The following CASKIN1 variants were observed in gnomAD, a reference collection of about 807,000 sequenced individuals.
The protein encoded by CASKIN1 is CASK interacting protein 1, also known as caskin-1.
Under a neutral mutation model 117.5 loss-of-function variants are expected in CASKIN1, and 42 were observed. The observed-to-expected ratio is 0.36, with a 90% CI of 0.28 to 0.46. CASKIN1 has a LOEUF of 0.46. CASKIN1 is among the 20% of genes least tolerant of loss of function. The pLI, the probability that CASKIN1 is intolerant of heterozygous loss-of-function variation, is 1.00. For synonymous variants in CASKIN1, 1,148 were observed against 961.7 expected, an observed-to-expected ratio of 1.19 and a Z score of -3.59; for missense variants, 2,083 against 2,077.3, an observed-to-expected ratio of 1.00 and a Z score of -0.05.
Position 2,179,350 on chromosome 16 carries a change from C to T in CASKIN1, c.3776-25G>A, listed in dbSNP as rs950606991. On this transcript the variant is annotated intron_variant, in intron 18 of 19. Transcript: ENST00000343516. The surrounding 1 kb of genome is among the most constrained non-coding windows in gnomAD (Gnocchi z 5.8). ...TCTGCGGGGAGGACCACGCTGGCAC[C>T]GAGCGGGCACGAGTTCCGCCGCCGC... 2.1e-5 allele frequency: 28 copies of T among 1,318,756 alleles called. No individual in the cohort carries two copies. The highest frequency in any genetic ancestry group is 2.5e-5 in the Non-Finnish European group (26 of 1,040,100). The allele number at this position is 1,318,756 out of a possible 1,614,324, so 81.7% of individuals were successfully genotyped here.
chr16:2,178,398 T>A lies in CASKIN1; in HGVS notation c.*152A>T, dbSNP rs1357679258. ...GAGCCCCCGGCCAGGCGGTCCCCGG[T>A]GGGCGCCCCGGCCCGGGTCCAGGGG... On this transcript the variant is annotated 3_prime_UTR_variant, in exon 20 of 20. Coordinates refer to ENST00000343516, the MANE Select transcript of CASKIN1 (RefSeq NM_020764.4). 9 of 506,224 alleles carry A rather than the reference T, an allele frequency of 1.8e-5. No homozygotes were observed. Among genetic ancestry groups the A allele is most frequent in the Non-Finnish European group, 3.0e-5 (9 of 300,492 alleles). 31.4% of individuals were successfully genotyped at this position (506,224 alleles called of 1,614,324 possible). A position where few individuals can be genotyped will look rare whatever the true frequency, so the allele number is the denominator to read the frequency against.
At position 2,187,376 on chromosome 16, in the gene CASKIN1, C is replaced by T; in HGVS notation, c.703G>A (p.Glu235Lys). 1 of 1,612,782 alleles carries T rather than the reference C, an allele frequency of 6.2e-7. No individual in the cohort carries two copies. Residue 235 changes from glutamate (E) to lysine (K), a missense_variant, in exon 7 of 20, where the codon GAG becomes AAG. Around this residue, in one of 3 missense-constraint regions of CASKIN1, gnomAD observed 203 missense variants for 338.7 expected, o/e 0.60. Coordinates refer to ENST00000343516, the MANE Select transcript of CASKIN1 (RefSeq NM_020764.4). ...ACATCCAGCAGCAGCCGCACCACCT[C>T]TGTCTTTCCGCAGAGCGCAGCCTCG... ...LHEAALCGKT[E>K]VVRLLLDSGI...
In CASKIN1 at chr16:2,189,409, C is replaced by T. The variant is rs773622978; in HGVS notation, c.390+10G>A. The T allele has an allele frequency of 9.9e-6, 16 of 1,610,312 alleles. No homozygotes were observed. Among genetic ancestry groups the T allele is most frequent in the Middle Eastern group, 1.6e-4 (1 of 6,070 alleles). On this transcript the variant is annotated intron_variant, in intron 4 of 19. Coordinates refer to ENST00000343516, the MANE Select transcript of CASKIN1 (RefSeq NM_020764.4). ...CCGCCCCCGCTGCCCCGCCCCCGCT[C>T]GGGCCTCACCACATCATAGTGACCA...
chr16:2,184,101 T>C (rs1418557668), intron 14 of CASKIN1, among the ~76,000 whole-genome samples, 160 bp from the exon 15 acceptor site: 2 of 147,720 alleles, frequency 1.4e-5, no homozygotes, highest in African/African-American at 5.0e-5. Flanking sequence ...CCGTGAGTGA[T>C]CCTCAGTCCG....
rs1313424916 is a variant in CASKIN1, at chr16:2,178,218, T to C, written c.*332A>G. On this transcript the variant is annotated 3_prime_UTR_variant, in exon 20 of 20. Transcript: ENST00000343516. ...CCGAGCGGCTGGCCGGGCGTCCCGATGGGCAGTTCTGTGCTGGGCCCGGGC... is the reference window on the plus strand; with the variant it reads ...CCGAGCGGCTGGCCGGGCGTCCCGACGGGCAGTTCTGTGCTGGGCCCGGGC... 3 of 439,784 alleles carry C rather than the reference T, an allele frequency of 6.8e-6. No individual in the cohort carries two copies. The highest frequency in any genetic ancestry group is 1.3e-5 in the Non-Finnish European group (3 of 235,342). The allele number at this position is 439,784 out of a possible 1,614,324, so 27.2% of individuals were successfully genotyped here.
intron 19 of CASKIN1, 49 bp from the exon 20 acceptor site, chr16:2,178,695 A>G: frequency 6.7e-7 from 1 of 1,492,618 alleles, no homozygotes; most frequent in Non-Finnish European, 9.0e-7. Context: ...GGGTCTGGCC[A>G]CGCCCACCCC....
rs1011641811 is a variant in CASKIN1 at position 2,178,508 on chromosome 16, G to A, written c.*42C>T. The A allele has an allele frequency of 2.7e-6, 4 of 1,490,222 alleles. No individual in the cohort carries two copies. Among genetic ancestry groups the A allele is most frequent in the Non-Finnish European group, 1.8e-6 (2 of 1,113,008 alleles). 92.3% of individuals were successfully genotyped at this position (1,490,222 alleles called of 1,614,324 possible). On this transcript the variant is annotated 3_prime_UTR_variant, in exon 20 of 20. Coordinates refer to ENST00000343516, the MANE Select transcript of CASKIN1 (RefSeq NM_020764.4). ...ATCCTGAGGTATAGGTCAGTGTGCG[G>A]GGAGGGCCCGGGCGGCGCGGGAGGG...
intron 1 of CASKIN1, among the ~76,000 whole-genome samples, chr16:2,192,840 C>T (rs1387601835): frequency 2.0e-5 from 3 of 152,186 alleles, no homozygotes; most frequent in Admixed American, 2.0e-4. Context: ...CGGAGGAATC[C>T]TCGGTGGCTA....
Position 2,189,017 on chromosome 16 carries a change from C to T in CASKIN1, c.617+10G>A, listed in dbSNP as rs759356226. ...CCTAAGGCTGAGGCCCTCCCTGCTACCGGCTCTACCTGATGATGTCGATGT... is the reference window on the plus strand; with the variant it reads ...CCTAAGGCTGAGGCCCTCCCTGCTATCGGCTCTACCTGATGATGTCGATGT... On this transcript the variant is annotated intron_variant, in intron 6 of 19. Transcript: ENST00000343516. 1 of 1,607,066 alleles carries T rather than the reference C, an allele frequency of 6.2e-7. No homozygotes were observed. Among genetic ancestry groups the T allele is most frequent in the Non-Finnish European group, 8.5e-7 (1 of 1,175,484 alleles).
intron 1 of CASKIN1, among the ~76,000 whole-genome samples, chr16:2,192,488 T>C (rs1235049916): frequency 6.6e-6 from 1 of 151,958 alleles, no homozygotes; most frequent in Non-Finnish European, 1.5e-5. Context: ...TATCATTACT[T>C]CCCTCATTCC....
At chr16:2,188,240 G>A (rs1298724764) in intron 6 of CASKIN1, among the ~76,000 whole-genome samples, 6 of 150,872 alleles carry the variant, frequency 4.0e-5, no homozygotes, top group Non-Finnish European at 8.9e-5. Flanking sequence ...AGGCTGGAAT[G>A]CAGTGGCACC....
intron 16 of CASKIN1, 38 bp from the exon 17 acceptor site, chr16:2,181,967 C>G (rs763554456): frequency 1.9e-6 from 3 of 1,607,808 alleles, no homozygotes; most frequent in East Asian, 4.5e-5. Flanking sequence ...CCTGGGCTGG[C>G]TGCCCGCACC....
At position 2,179,469 on chromosome 16, in the gene CASKIN1, G is replaced by A. The variant is rs1260699910; in HGVS notation, c.3775+124C>T. On this transcript the variant is annotated intron_variant, in intron 18 of 19. Coordinates refer to ENST00000343516, the MANE Select transcript of CASKIN1 (RefSeq NM_020764.4). The surrounding 1 kb of genome is among the most constrained non-coding windows in gnomAD (Gnocchi z 5.8). ...CAGCCCTGGATGGATGAGAGGGTCT[G>A]GGGACACGTTCCCACCCCACCTGGG... 1.4e-6 allele frequency: 2 copies of A among 1,392,578 alleles called. No individual in the cohort carries two copies. Among genetic ancestry groups the A allele is most frequent in the African/African-American group, 1.5e-5 (1 of 66,186 alleles). 86.3% of individuals were successfully genotyped at this position (1,392,578 alleles called of 1,614,324 possible).
chr16:2,195,393 A>ACC (rs1332339162), intron 1 of CASKIN1, among the ~76,000 whole-genome samples: 1 of 151,928 alleles, frequency 6.6e-6, no homozygotes, highest in Non-Finnish European at 1.5e-5. Context: ...GGACGCCCAG[A>ACC]CCCCACGTGC....
chr16:2,188,821 C>A (rs2093192420), intron 6 of CASKIN1: 3 of 664,804 alleles, frequency 4.5e-6, no homozygotes, highest in East Asian at 5.8e-5. Context: ...GGGGCTGGGA[C>A]AGAGACGTCG....
intron 10 of CASKIN1, among the ~76,000 whole-genome samples, chr16:2,186,065 A>C (rs2093183518): frequency 6.6e-6 from 1 of 151,934 alleles, no homozygotes; most frequent in South Asian, 2.1e-4. Flanking sequence ...TCCACTTCCC[A>C]GGCTCAAGCA....
Position 2,179,108 on chromosome 16 carries a change from G to A in CASKIN1, c.3993C>T (p.Pro1331=), listed in dbSNP as rs1293469773. The A allele has an allele frequency of 1.0e-6, 1 of 995,900 alleles. No homozygotes were observed. The highest frequency in any genetic ancestry group is 1.2e-6 in the Non-Finnish European group (1 of 838,884). 61.7% of individuals were successfully genotyped at this position (995,900 alleles called of 1,614,324 possible). The change falls in exon 19 of 20, where the codon CCC becomes CCT. Residue 1331 remains proline, a synonymous_variant. Coordinates refer to ENST00000343516, the MANE Select transcript of CASKIN1 (RefSeq NM_020764.4). The surrounding 1 kb of genome is among the most constrained non-coding windows in gnomAD (Gnocchi z 5.8). The part of the protein sequence containing the change: ...LGASPAKPPS[P]GAPALHVPAK... The stretch of plus-strand genomic sequence containing the variant: ...CGGGCACGTGCAGCGCGGGCGCGCC[G>A]GGGGACGGGGGCTTGGCGGGGCTGG...
At position 2,182,178 on chromosome 16, in the gene CASKIN1, C is replaced by CG. The variant is rs1182394660; in HGVS notation, c.1630-250dup. ...GCCCACATCCACAGGACACCCTTGTCGGGGGGGCAGAAGAAGGCACTTTCC... is the reference window on the plus strand; with the variant it reads ...GCCCACATCCACAGGACACCCTTGTCGGGGGGGGCAGAAGAAGGCACTTTCC... On this transcript the variant is annotated intron_variant, in intron 16 of 19. Coordinates refer to ENST00000343516, the MANE Select transcript of CASKIN1 (RefSeq NM_020764.4). The surrounding 1 kb of genome is among the most constrained non-coding windows in gnomAD (Gnocchi z 4.1). 2.0e-5 allele frequency among the ~76,000 whole-genome samples: 3 copies of CG among 152,048 alleles called. No individual in the cohort carries two copies. The highest frequency in any genetic ancestry group is 2.1e-4 in the South Asian group (1 of 4,810).
chr16:2,186,209 T>C (rs1196016867), intron 10 of CASKIN1, among the ~76,000 whole-genome samples: 1 of 152,174 alleles, frequency 6.6e-6, no homozygotes, highest in African/African-American at 2.4e-5. Context: ...GCTCAAACAA[T>C]CCTCTAGCCT....
Sources: allele counts gnomAD v4.1 joint callset (sites outside exome capture counted in the v4.1 genomes callset), GRCh38; gene constraint gnomAD v4.1.1; regional missense constraint gnomAD v4.1.1; non-coding constraint Gnocchi (gnomAD v3.1); transcripts MANE v1.5; gene names NCBI Gene and HGNC (gene_info 2026-07-23, HGNC 2026-07-21).